The following CA10 variants were observed in gnomAD, a reference collection of about 807,000 sequenced individuals.
CA10 encodes the protein carbonic anhydrase 10 (inactive).
In CA10, 14 loss-of-function variants were observed where a neutral mutation model predicts 44.2. The observed-to-expected ratio is 0.32, with a 90% confidence interval of 0.21 to 0.50. CA10 has a LOEUF of 0.50. Ranked by LOEUF, CA10 falls within the 20% of genes least tolerant of loss-of-function variation. The probability of loss-of-function intolerance (pLI) is 0.99; values close to 1 mark genes in which losing one functional copy is unlikely to be tolerated. For synonymous variants in CA10, 159 were observed against 141.6 expected (o/e 1.12, Z -0.87); for missense variants, 350 against 409.7 (o/e 0.85, Z 1.26).
intron 4 of CA10, among the ~76,000 whole-genome samples, chr17:51,734,916 T>C (rs997947198): frequency 6.6e-6 from 1 of 152,162 alleles, no homozygotes; most frequent in Non-Finnish European, 1.5e-5. Context: ...CTGCATCCTC[T>C]GGAGGGGAGG....
At chr17:51,992,139 C>T (rs751858246) in intron 2 of CA10, among the ~76,000 whole-genome samples, 6 of 152,058 alleles carry the variant, frequency 3.9e-5, no homozygotes, top group Non-Finnish European at 8.8e-5. Context: ...CCTTCCAATC[C>T]TATTCTCTTC....
intron 4 of CA10, among the ~76,000 whole-genome samples, chr17:51,696,826 T>C (rs773415523): frequency 2.0e-5 from 3 of 152,168 alleles, no homozygotes; most frequent in Non-Finnish European, 4.4e-5. Context: ...ACCTCTTGGA[T>C]AGAACCACAA....
chr17:52,135,742 G>A (rs1442545952), intron 1 of CA10, among the ~76,000 whole-genome samples: 1 of 152,088 alleles, frequency 6.6e-6, no homozygotes, highest in Non-Finnish European at 1.5e-5. Flanking sequence ...GTTGATACTT[G>A]TCTCCCTCTC....
intron 2 of CA10, among the ~76,000 whole-genome samples, chr17:51,940,207 T>A (rs1403769778): frequency 6.6e-6 from 1 of 152,116 alleles, no homozygotes; most frequent in Non-Finnish European, 1.5e-5. Flanking sequence ...TTTCCATATG[T>A]ATTGGATTTG....
chr17:51,754,949 T>A (rs1315573410), intron 3 of CA10, among the ~76,000 whole-genome samples: 1 of 151,898 alleles, frequency 6.6e-6, no homozygotes, highest in African/African-American at 2.4e-5. Context: ...AGCTACATTA[T>A]CTATATCTGT....
At chr17:52,038,652 C>T (rs1986683745) in intron 2 of CA10, among the ~76,000 whole-genome samples, 1 of 152,104 alleles carries the variant, frequency 6.6e-6, no homozygotes, top group Admixed American at 6.6e-5. Flanking sequence ...ATCTACTTGC[C>T]TCATACAATT....
intron 2 of CA10, among the ~76,000 whole-genome samples, chr17:52,014,294 A>G (rs1410239010): frequency 6.6e-6 from 1 of 151,996 alleles, no homozygotes; most frequent in East Asian, 1.9e-4. Context: ...AGACAACTAG[A>G]CCAGTGGCAG....
At chr17:52,115,588 T>C (rs202223462) in intron 1 of CA10, among the ~76,000 whole-genome samples, 71 of 578 alleles carry the variant, frequency 0.12, no homozygotes, top group Non-Finnish European at 0.19. Flanking sequence ...CTTTTACATA[T>C]TGGGGGGTGT....
chr17:52,108,339 A>G (rs1273989227), intron 1 of CA10, among the ~76,000 whole-genome samples: 1 of 151,498 alleles, frequency 6.6e-6, no homozygotes, highest in Non-Finnish European at 1.5e-5. Flanking sequence ...TCAGGAATCA[A>G]AAACCAAACA....
At chr17:51,721,928 C>T (rs532020458) in intron 4 of CA10, among the ~76,000 whole-genome samples, 3 of 152,058 alleles carry the variant, frequency 2.0e-5, no homozygotes, top group Non-Finnish European at 4.4e-5. Context: ...TATTATGTTT[C>T]CTTGAGTTCT....
At chr17:51,970,465 A>G (rs1021102565) in intron 2 of CA10, among the ~76,000 whole-genome samples, 1 of 152,094 alleles carries the variant, frequency 6.6e-6, no homozygotes, top group African/African-American at 2.4e-5. Flanking sequence ...CTACTACTGC[A>G]GCGTATTTTA....
rs1040379663 is a variant in CA10, at chr17:51,717,156, G to T, written c.465+30477C>A. On this transcript the variant is annotated intron_variant, in intron 4 of 8. Transcript: ENST00000451037. ...GTTCTAATGCTTGGCTTCTGCTGAA[G>T]TTCCTGAGAGAGAGCTCCGAATACC... Among the ~76,000 whole-genome samples, 10 of 152,254 alleles carry T rather than the reference G, an allele frequency of 6.6e-5. No individual in the cohort carries two copies. The East Asian group carries it at 1.5e-3, about 23-fold the overall frequency.
intron 2 of CA10, among the ~76,000 whole-genome samples, chr17:51,956,891 T>C (rs1983688047): frequency 6.6e-6 from 1 of 152,090 alleles, no homozygotes; most frequent in Non-Finnish European, 1.5e-5. Context: ...CCCTTTAGCG[T>C]CTGCCAAGCT....
chr17:52,113,424 C>G (rs1374783534), intron 1 of CA10, among the ~76,000 whole-genome samples: 1 of 151,930 alleles, frequency 6.6e-6, no homozygotes, highest in Admixed American at 6.6e-5. Context: ...ATACTGATAC[C>G]CATATGCATA....
chr17:51,754,400 GATATATATATATAT>G (rs56145404), intron 3 of CA10, among the ~76,000 whole-genome samples: 2,329 of 73,066 alleles, frequency 0.032, 85 homozygotes, highest in African/African-American at 0.07. Flanking sequence ...GTGTGTGTGT[GATATATATATATAT>G]ATATATATAT....
intron 1 of CA10, among the ~76,000 whole-genome samples, chr17:52,150,754 T>C (rs1989686238): frequency 1.3e-5 from 2 of 152,146 alleles, no homozygotes; most frequent in African/African-American, 4.8e-5. Flanking sequence ...CCATAATTAA[T>C]CTTCATGACA....
intron 3 of CA10, among the ~76,000 whole-genome samples, chr17:51,912,194 T>A (rs991974936): frequency 6.6e-6 from 1 of 152,166 alleles, no homozygotes; most frequent in Non-Finnish European, 1.5e-5. Context: ...ATGAGTAGCC[T>A]CTACTGACAT....
intron 1 of CA10, among the ~76,000 whole-genome samples, chr17:52,104,188 C>CTT (rs3066269): frequency 6.9e-6 from 1 of 145,698 alleles, no homozygotes; most frequent in African/African-American, 2.5e-5. Context: ...CACCTCCTGC[C>CTT]TTTTTTTTTT....
At chr17:52,005,763 A>G (rs138835435) in intron 2 of CA10, among the ~76,000 whole-genome samples, 1 of 151,974 alleles carries the variant, frequency 6.6e-6, no homozygotes, top group East Asian at 2.0e-4. Flanking sequence ...TCTAAAATGT[A>G]TTGATCTCTT....
Sources: allele counts gnomAD v4.1 joint callset (sites outside exome capture counted in the v4.1 genomes callset), GRCh38; gene constraint gnomAD v4.1.1; transcripts MANE v1.5; gene names NCBI Gene and HGNC (gene_info 2026-07-23, HGNC 2026-07-21).